DLK2: variants seen among roughly 807,000 people sequenced by gnomAD.
DLK2 encodes the protein protein delta homolog 2.
In DLK2, 9 loss-of-function variants were observed where a neutral mutation model predicts 31.3. That is an observed-to-expected ratio of 0.29 (90% CI 0.17 to 0.50). The LOEUF (loss-of-function observed/expected upper bound fraction) is 0.50, where lower values mean the gene tolerates loss of function less well. Ranked by LOEUF, DLK2 falls within the 20% of genes least tolerant of loss-of-function variation. The pLI is 0.98. For synonymous variants in DLK2, 169 were observed against 201.2 expected, an observed-to-expected ratio of 0.84 and a Z score of 1.35; for missense variants, 387 against 526.1, an observed-to-expected ratio of 0.74 and a Z score of 2.59.
chr6:43,451,513 G>T lies in DLK2; in HGVS notation c.417-239C>A, dbSNP rs907780336. ...GCCCAGCCAGAAGGCAGGGCTCAGGGTAAGTGTGCTATTATTATCCTCACA... is the reference window on the plus strand; with the variant it reads ...GCCCAGCCAGAAGGCAGGGCTCAGGTTAAGTGTGCTATTATTATCCTCACA... On this transcript the variant is annotated intron_variant, in intron 5 of 5. Coordinates refer to ENST00000372488, the MANE Select transcript of DLK2 (RefSeq NM_023932.4). The surrounding 1 kb of genome is among the most constrained non-coding windows in gnomAD (Gnocchi z 4.4). Among the ~76,000 whole-genome samples the T allele has an allele frequency of 2.6e-5, 4 of 152,168 alleles. No individual in the cohort carries two copies. Among genetic ancestry groups the T allele is most frequent in the Non-Finnish European group, 5.9e-5 (4 of 68,038 alleles).
Position 43,453,263 on chromosome 6 carries a change from G to C in DLK2, c.141-128C>G, listed in dbSNP as rs1230884981. 4 of 1,250,228 alleles carry C rather than the reference G, an allele frequency of 3.2e-6. No homozygotes were observed. The African/African-American group carries it at 6.1e-5, about 19-fold the overall frequency. 77.4% of individuals were successfully genotyped at this position (1,250,228 alleles called of 1,614,324 possible). ...CCTAAGGGAAAGCAGACCTGTCCCA[G>C]GTAGGTGTAGGACTGTGCAGGGTCA... is the stretch of plus-strand genomic sequence containing the variant. On this transcript the variant is annotated intron_variant, in intron 3 of 5. Coordinates refer to ENST00000372488, the MANE Select transcript of DLK2 (RefSeq NM_023932.4). The surrounding 1 kb of genome is among the most constrained non-coding windows in gnomAD (Gnocchi z 4.1).
At position 43,453,196 on chromosome 6, in the gene DLK2, C is replaced by G; in HGVS notation, c.141-61G>C. On this transcript the variant is annotated intron_variant, in intron 3 of 5. Transcript: ENST00000372488. This position sits in a 1 kb window ranked among gnomAD's most constrained non-coding sequence, Gnocchi z 4.1. ...CATGGATGTGAAGAAATGGAGGAGA[C>G]AGAACCAGAGCTTCTAGAAACCAAG... The G allele has an allele frequency of 6.5e-7, 1 of 1,533,356 alleles. No homozygotes were observed. Among genetic ancestry groups the G allele is most frequent in the Non-Finnish European group, 8.8e-7 (1 of 1,138,260 alleles). 95.0% of individuals were successfully genotyped at this position (1,533,356 alleles called of 1,614,324 possible). A position where few individuals can be genotyped will look rare whatever the true frequency, so the allele number is the denominator to read the frequency against.
Position 43,453,338 on chromosome 6 carries a change from G to T in DLK2, c.141-203C>A, listed in dbSNP as rs1343393588. 6.6e-6 allele frequency among the ~76,000 whole-genome samples: 1 copy of T among 152,196 alleles called. No homozygotes were observed. The highest frequency in any genetic ancestry group is 1.5e-5 in the Non-Finnish European group (1 of 68,038). On this transcript the variant is annotated intron_variant, in intron 3 of 5. Transcript: ENST00000372488. The surrounding 1 kb of genome is among the most constrained non-coding windows in gnomAD (Gnocchi z 4.1). ...CATCAGACACCAGCACTCAAACCCTGGTTCTGTACTTTAACCTGAGCCTCA... is the reference window on the plus strand; with the variant it reads ...CATCAGACACCAGCACTCAAACCCTTGTTCTGTACTTTAACCTGAGCCTCA...
chr6:43,456,200 C>T (rs1783976502), upstream of DLK2: 1 of 152,158 alleles, frequency 6.6e-6, no homozygotes, highest in Non-Finnish European at 1.5e-5. Context: ...AGAATCCTTT[C>T]TGGACTGGGA....
rs1339879064 is a variant in DLK2, at chr6:43,451,183, G to A, written c.508C>T (p.Arg170Cys). 3.1e-6 allele frequency: 5 copies of A among 1,614,058 alleles called. No individual in the cohort carries two copies. Among genetic ancestry groups the A allele is most frequent in the South Asian group, 1.1e-5 (1 of 91,090 alleles). The change falls in exon 6 of 6, where the codon CGC becomes TGC. Residue 170 changes from arginine to cysteine, a missense_variant. By Grantham distance (180) the Arg-to-Cys change is radical. Coordinates refer to ENST00000372488, the MANE Select transcript of DLK2 (RefSeq NM_023932.4). This position sits in a 1 kb window ranked among gnomAD's most constrained non-coding sequence, Gnocchi z 4.4. ...CRCLVGFVGA[R>C]CEVNVDDCLM... is the part of the protein sequence containing the mutation. ...CAGTCATCCACATTTACCTCACAGC[G>A]GGCACCCACAAAGCCCACCAAGCAG...
upstream of DLK2, chr6:43,455,616 G>A (rs1783952681): frequency 1.4e-5 from 2 of 145,104 alleles, no homozygotes; most frequent in African/African-American, 2.5e-5. Context: ...CCCTGCCAGG[G>A]GCGGAGCCCG....
chr6:43,455,010 A>C, intron 1 of DLK2, 130 bp from the exon 2 acceptor site: 3 of 620,014 alleles, frequency 4.8e-6, no homozygotes, highest in Non-Finnish European at 4.8e-6. Flanking sequence ...TAGCGGGAGG[A>C]TGGGGGCAGG....
chr6:43,451,543 C>G lies in DLK2; in HGVS notation c.417-269G>C, dbSNP rs931690520. ...TGTGCTATTATTATCCTCACAGGCTCCTGGGCCTGATGCAGAAATGAGGAC... is the reference window on the plus strand; with the variant it reads ...TGTGCTATTATTATCCTCACAGGCTGCTGGGCCTGATGCAGAAATGAGGAC... On this transcript the variant is annotated intron_variant, in intron 5 of 5. Coordinates refer to ENST00000372488, the MANE Select transcript of DLK2 (RefSeq NM_023932.4). This position sits in a 1 kb window ranked among gnomAD's most constrained non-coding sequence, Gnocchi z 4.4. 6.6e-6 allele frequency among the ~76,000 whole-genome samples: 1 copy of G among 152,190 alleles called. No individual in the cohort carries two copies. Among genetic ancestry groups the G allele is most frequent in the Admixed American group, 6.5e-5 (1 of 15,286 alleles).
intron 4 of DLK2, 144 bp downstream of exon 4, chr6:43,452,860 TA>T: frequency 8.1e-7 from 1 of 1,240,912 alleles, no homozygotes; most frequent in Non-Finnish European, 1.1e-6. Context: ...AGACAACATA[TA>T]AAAAGTCTAA....
Position 43,450,659 on chromosome 6 carries a change from G to A in DLK2, c.1032C>T (p.Tyr344=). Residue 344 remains tyrosine, a synonymous_variant, in exon 6 of 6, where the codon TAC becomes TAT. Transcript: ENST00000372488. This position sits in a 1 kb window ranked among gnomAD's most constrained non-coding sequence, Gnocchi z 4.5. ...ACGCTGGAGCATAGTGTGGGGCAGG[G>A]TAGCAACAGGGTCCAGGGGGGCAGA... The part of the protein sequence containing the change: ...RGVCPPGPCC[Y]PAPHYAPACQ... 6.2e-7 allele frequency: 1 copy of A among 1,613,914 alleles called. No homozygotes were observed. Among genetic ancestry groups the A allele is most frequent in the Non-Finnish European group, 8.5e-7 (1 of 1,179,918 alleles).
intron 4 of DLK2, among the ~76,000 whole-genome samples, 155 bp from the exon 5 acceptor site, chr6:43,452,239 C>T (rs998307900): frequency 1.3e-5 from 2 of 152,206 alleles, no homozygotes; most frequent in Non-Finnish European, 2.9e-5. Flanking sequence ...GACAACAACA[C>T]TGAATTTGGA....
intron 2 of DLK2, 101 bp downstream of exon 2, chr6:43,454,649 G>C: frequency 4.2e-6 from 6 of 1,441,128 alleles, no homozygotes; most frequent in Non-Finnish European, 4.7e-6. Flanking sequence ...CTTGCCCCGC[G>C]GGTCGGAGCG....
At chr6:43,452,891 A>AT in intron 4 of DLK2, 114 bp downstream of exon 4, 1 of 1,447,136 alleles carries the variant, frequency 6.9e-7, no homozygotes, top group Non-Finnish European at 9.4e-7. Context: ...AAATGATAAA[A>AT]TACCATGTAT....
chr6:43,454,994 TG>T (rs1783920567), intron 1 of DLK2, 114 bp from the exon 2 acceptor site: 5 of 922,092 alleles, frequency 5.4e-6, no homozygotes, highest in Non-Finnish European at 7.1e-6. Context: ...AAGAAGGGGA[TG>T]GGGGTAGCGG....
In DLK2 at chr6:43,452,056, G is replaced by C; in HGVS notation, c.300C>G (p.Pro100=). 1 of 1,614,252 alleles carries C rather than the reference G, an allele frequency of 6.2e-7. No homozygotes were observed. The highest frequency in any genetic ancestry group is 1.1e-5 in the South Asian group (1 of 91,090). ...ACATGCACTGGCCTCCATTCTGGCA[G>C]GGGGACTGCGTGGTACAGATATGTT... ...KDEHICTTQS[P]CQNGGQCMYD... Residue 100 remains proline (P), a synonymous_variant, in exon 5 of 6, where the codon CCC becomes CCG. Coordinates refer to ENST00000372488, the MANE Select transcript of DLK2 (RefSeq NM_023932.4).
In DLK2 at chr6:43,450,921, G is replaced by A; in HGVS notation, c.770C>T (p.Pro257Leu). 6.2e-7 allele frequency: 1 copy of A among 1,614,186 alleles called. No individual in the cohort carries two copies. Among genetic ancestry groups the A allele is most frequent in the East Asian group, 2.2e-5 (1 of 44,890 alleles). Residue 257 changes from proline to leucine, a missense_variant, in exon 6 of 6, where the codon CCA becomes CTA. By Grantham distance (98) the Pro-to-Leu change is moderately conservative. Coordinates refer to ENST00000372488, the MANE Select transcript of DLK2 (RefSeq NM_023932.4). The surrounding 1 kb of genome is among the most constrained non-coding windows in gnomAD (Gnocchi z 4.5). ...CELVLPVPDPPTTVDTPLGPT... is the reference protein window; with the variant it reads ...CELVLPVPDPLTTVDTPLGPT... ...CCCTAGAGGGGTGTCCACTGTGGTT[G>A]GGGGGTCTGGGACAGGTAAGACAAG...
chr6:43,454,293 G>T, intron 3 of DLK2, 118 bp downstream of exon 3: 1 of 948,010 alleles, frequency 1.1e-6, no homozygotes, highest in South Asian at 1.7e-5. Context: ...TGGCCAGTCA[G>T]CCATAGGAGT....
At position 43,450,505 on chromosome 6, in the gene DLK2, G is replaced by A. The variant is rs756914706; in HGVS notation, c.*34C>T. The A allele has an allele frequency of 9.2e-6, 14 of 1,524,700 alleles. No individual in the cohort carries two copies. Among genetic ancestry groups the A allele is most frequent in the African/African-American group, 1.4e-5 (1 of 72,200 alleles). 94.4% of individuals were successfully genotyped at this position (1,524,700 alleles called of 1,614,324 possible). On this transcript the variant is annotated 3_prime_UTR_variant, in exon 6 of 6. Coordinates refer to ENST00000372488, the MANE Select transcript of DLK2 (RefSeq NM_023932.4). The surrounding 1 kb of genome is among the most constrained non-coding windows in gnomAD (Gnocchi z 4.5). Reference sequence around the variant, plus strand: ...CCACTCCAGTCTGAGGGGTGGAAGAGGTGAGGAAGGGGGCCAGAAAGCCCC... The same window carrying A: ...CCACTCCAGTCTGAGGGGTGGAAGAAGTGAGGAAGGGGGCCAGAAAGCCCC...
At position 43,453,278 on chromosome 6, in the gene DLK2, G is replaced by A. The variant is rs752141750; in HGVS notation, c.141-143C>T. 26 of 1,091,632 alleles carry A rather than the reference G, an allele frequency of 2.4e-5. No individual in the cohort carries two copies. The highest frequency in any genetic ancestry group is 3.2e-5 in the Non-Finnish European group (26 of 803,212). 67.6% of individuals were successfully genotyped at this position (1,091,632 alleles called of 1,614,324 possible). On this transcript the variant is annotated intron_variant, in intron 3 of 5. Transcript: ENST00000372488. This position sits in a 1 kb window ranked among gnomAD's most constrained non-coding sequence, Gnocchi z 4.1. ...ACCTGTCCCAGGTAGGTGTAGGACT[G>A]TGCAGGGTCATAGGACACATATACG...
Sources: gnomAD v4.1 joint callset for allele counts (sites outside exome capture counted in the v4.1 genomes callset) on GRCh38, gnomAD v4.1.1 for gene constraint, Gnocchi (gnomAD v3.1) non-coding constraint, MANE v1.5 for transcripts, NCBI Gene and HGNC (gene_info 2026-07-23, HGNC 2026-07-21) for gene names.